FGD5: variants seen among roughly 807,000 people sequenced by gnomAD.
The protein encoded by FGD5 is FYVE, RhoGEF and PH domain containing 5, also known as FYVE, RhoGEF and PH domain-containing protein 5.
In FGD5, 28 loss-of-function variants were observed where a neutral mutation model predicts 133.4. That is an observed-to-expected ratio of 0.21 (90% CI 0.16 to 0.29). FGD5 has a LOEUF of 0.29. Among genes scored for constraint, FGD5 ranks in the 10% least tolerant of loss-of-function variants. The pLI is 1.00. For synonymous variants in FGD5, 810 were observed against 776.5 expected (o/e 1.04, Z -0.72); for missense variants, 1,858 against 1,895.2 (o/e 0.98, Z 0.36).
intron 19 of FGD5, among the ~76,000 whole-genome samples, 192 bp downstream of exon 19, chr3:14,932,923 C>A (rs1207437029): frequency 6.6e-6 from 1 of 152,176 alleles, no homozygotes; most frequent in Non-Finnish European, 1.5e-5. Context: ...ATTCATGAAT[C>A]AAGGATGCAT....
At chr3:14,907,606 G>T in intron 9 of FGD5, 34 bp from the exon 10 acceptor site, 1 of 1,603,096 alleles carries the variant, frequency 6.2e-7, no homozygotes, top group South Asian at 1.1e-5. Flanking sequence ...TAGGGGCCCT[G>T]ACCATCTCTC....
Position 14,922,207 on chromosome 3 carries a change from C to G in FGD5, c.3669+190C>G. ...CTCCGTGTAACCTAGGAGCCCAGCA[C>G]CCACAGTCTTGTTCTCACAGTCTGG... On this transcript the variant is annotated intron_variant, in intron 14 of 19. Coordinates refer to ENST00000285046, the MANE Select transcript of FGD5 (RefSeq NM_152536.4). The surrounding 1 kb of genome is among the most constrained non-coding windows in gnomAD (Gnocchi z 4.1). The G allele has an allele frequency of 1.0e-6, 1 of 981,186 alleles. No individual in the cohort carries two copies. Among genetic ancestry groups the G allele is most frequent in the Non-Finnish European group, 1.5e-6 (1 of 665,862 alleles). 60.8% of individuals were successfully genotyped at this position (981,186 alleles called of 1,614,324 possible).
intron 1 of FGD5, chr3:14,810,952 G>C: frequency 1.0e-6 from 1 of 962,514 alleles, no homozygotes; most frequent in Non-Finnish European, 1.2e-6. Flanking sequence ...CGGGGAGCCC[G>C]GGGCTAGCTG....
chr3:14,834,563 G>C (rs1433152282), intron 1 of FGD5, among the ~76,000 whole-genome samples: 1 of 152,220 alleles, frequency 6.6e-6, no homozygotes, highest in East Asian at 1.9e-4. Context: ...GGGTTTCTGA[G>C]GAATGCAGTT....
chr3:14,902,527 A>G (rs2038259711), intron 9 of FGD5, among the ~76,000 whole-genome samples: 1 of 152,008 alleles, frequency 6.6e-6, no homozygotes, highest in African/African-American at 2.4e-5. Flanking sequence ...TGAAGGGTAG[A>G]CTGAGAGTGG....
At chr3:14,835,820 T>C (rs1285447667) in intron 1 of FGD5, among the ~76,000 whole-genome samples, 1 of 152,220 alleles carries the variant, frequency 6.6e-6, no homozygotes, top group Non-Finnish European at 1.5e-5. Flanking sequence ...GTGCAGTGGC[T>C]AAGAACCCAT....
intron 7 of FGD5, among the ~76,000 whole-genome samples, chr3:14,899,836 G>A (rs1224392822): frequency 3.3e-5 from 5 of 152,208 alleles, no homozygotes; most frequent in African/African-American, 7.2e-5. Context: ...CTGAGGAGGC[G>A]GCATTGGACA....
intron 13 of FGD5, among the ~76,000 whole-genome samples, chr3:14,921,613 G>A (rs555403131): frequency 6.6e-6 from 1 of 152,290 alleles, no homozygotes; most frequent in Admixed American, 6.5e-5. Flanking sequence ...AATGTCTCTT[G>A]CTTTTGCACA....
At chr3:14,914,516 C>T (rs919245630) in intron 11 of FGD5, among the ~76,000 whole-genome samples, 2 of 152,188 alleles carry the variant, frequency 1.3e-5, no homozygotes, top group Non-Finnish European at 2.9e-5. Flanking sequence ...CCTCGGGGTG[C>T]TCATGGCAGT....
chr3:14,850,948 A>T (rs1398894613), intron 1 of FGD5, among the ~76,000 whole-genome samples: 2 of 152,208 alleles, frequency 1.3e-5, no homozygotes, highest in Non-Finnish European at 2.9e-5. Flanking sequence ...AATGCCAAAG[A>T]TGTGGCAGGA....
chr3:14,898,890 G>A (rs2038187611), intron 7 of FGD5, 64 bp downstream of exon 7: 3 of 1,437,938 alleles, frequency 2.1e-6, no homozygotes, highest in African/African-American at 1.4e-5. Context: ...CTGAGGAGGG[G>A]TGGAGGGGAC....
Position 14,934,339 on chromosome 3 carries a change from G to C in FGD5, c.*1172G>C, listed in dbSNP as rs1013411507. 2 of 152,100 alleles carry C rather than the reference G, an allele frequency of 1.3e-5. No individual in the cohort carries two copies. Among genetic ancestry groups the C allele is most frequent in the Non-Finnish European group, 2.9e-5 (2 of 68,030 alleles). 9.4% of individuals were successfully genotyped at this position (152,100 alleles called of 1,614,324 possible). On this transcript the variant is annotated 3_prime_UTR_variant, in exon 20 of 20. Transcript: ENST00000285046. ...TTTACATAAAGCAAAGGGCATGTGAGGGGTGGGATTCCTTGTTACTCTTAC... is the reference window on the plus strand; with the variant it reads ...TTTACATAAAGCAAAGGGCATGTGACGGGTGGGATTCCTTGTTACTCTTAC...
chr3:14,897,837 T>C (rs2038165435), intron 5 of FGD5, 102 bp from the exon 6 acceptor site: 6 of 1,514,054 alleles, frequency 4.0e-6, no homozygotes, highest in South Asian at 1.3e-5. Flanking sequence ...AGGGTTGAGC[T>C]GGGATCTGCA....
intron 2 of FGD5, among the ~76,000 whole-genome samples, chr3:14,872,970 G>A (rs1247848740): frequency 6.6e-6 from 1 of 152,208 alleles, no homozygotes; most frequent in African/African-American, 2.4e-5. Flanking sequence ...ATGGCAGTGA[G>A]AACAGAATTC....
chr3:14,868,177 C>T (rs748792257), intron 2 of FGD5, among the ~76,000 whole-genome samples: 10 of 152,178 alleles, frequency 6.6e-5, no homozygotes, highest in African/African-American at 2.4e-4. Flanking sequence ...GCTGACGTGT[C>T]GGCCCTCCCT....
chr3:14,832,529 G>T (rs1170864469), intron 1 of FGD5, among the ~76,000 whole-genome samples: 2 of 152,184 alleles, frequency 1.3e-5, no homozygotes, highest in East Asian at 3.9e-4. Context: ...TTCTTTATGT[G>T]CCTCATTGTG....
chr3:14,909,946 A>G (rs1044240605), intron 10 of FGD5, among the ~76,000 whole-genome samples: 1 of 151,588 alleles, frequency 6.6e-6, no homozygotes, highest in South Asian at 2.1e-4. Context: ...TTGTATTTTT[A>G]GTAGAGACAG....
At chr3:14,907,535 G>T (rs1350425570) in intron 9 of FGD5, 105 bp from the exon 10 acceptor site, 2 of 1,058,242 alleles carry the variant, frequency 1.9e-6, no homozygotes, top group East Asian at 5.2e-5. Context: ...GCCTTTCCGG[G>T]CTTCATTTTT....
Position 14,921,982 on chromosome 3 carries a change from GC to G in FGD5, c.3637del (p.Gln1213ArgfsTer34). On this transcript the variant is annotated frameshift_variant, in exon 14 of 20. Coordinates refer to ENST00000285046, the MANE Select transcript of FGD5 (RefSeq NM_152536.4). LOFTEE classifies it high-confidence loss of function. ...LSRALPEDYK[A>X]QALAAFHHSV... ...CAGAGCCCTCCCTGAGGACTACAAG[GC>G]CCAGGCGCTGGCTGCATTCCACCAT... 1 of 1,569,176 alleles carries G rather than the reference GC, an allele frequency of 6.4e-7. No homozygotes were observed. Among genetic ancestry groups the G allele is most frequent in the Non-Finnish European group, 8.6e-7 (1 of 1,157,036 alleles).
Sources: gnomAD v4.1 joint callset for allele counts (sites outside exome capture counted in the v4.1 genomes callset) on GRCh38, gnomAD v4.1.1 for gene constraint, Gnocchi (gnomAD v3.1) non-coding constraint, MANE v1.5 for transcripts, NCBI Gene and HGNC (gene_info 2026-07-23, HGNC 2026-07-21) for gene names.